The following DOCK4 variants were observed in gnomAD, a reference collection of about 807,000 sequenced individuals.
DOCK4 encodes dedicator of cytokinesis 4, also known as dedicator of cytokinesis protein 4.
A neutral mutation model predicts 268.1 loss-of-function variants in DOCK4; 97 were observed. The observed-to-expected ratio is 0.36, with a 90% confidence interval of 0.31 to 0.43. The LOEUF (loss-of-function observed/expected upper bound fraction) is 0.43, where lower values mean the gene tolerates loss of function less well. Ranked by LOEUF, DOCK4 falls within the 20% of genes least tolerant of loss-of-function variation. The probability of loss-of-function intolerance (pLI) is 1.00; values close to 1 mark genes in which losing one functional copy is unlikely to be tolerated. For synonymous variants in DOCK4, 954 were observed against 887.2 expected, an observed-to-expected ratio of 1.08 and a Z score of -1.34; for missense variants, 2,145 against 2,455.7, an observed-to-expected ratio of 0.87 and a Z score of 2.67.
At chr7:112,078,607 G>C (rs959088261) in intron 1 of DOCK4, among the ~76,000 whole-genome samples, 2 of 152,152 alleles carry the variant, frequency 1.3e-5, no homozygotes, top group African/African-American at 4.8e-5. Flanking sequence ...TTGTAACACA[G>C]CTCCAACCTT....
intron 36 of DOCK4, among the ~76,000 whole-genome samples, chr7:111,774,178 T>G (rs1024795974): frequency 6.6e-6 from 1 of 151,922 alleles, no homozygotes; most frequent in Non-Finnish European, 1.5e-5. Flanking sequence ...TTAATAGAAA[T>G]CTGGGGCCGG....
chr7:112,138,966 G>C (rs1422351841), intron 1 of DOCK4, among the ~76,000 whole-genome samples: 2 of 152,156 alleles, frequency 1.3e-5, no homozygotes, highest in Non-Finnish European at 2.9e-5. Flanking sequence ...CCCTCTGCAG[G>C]TAGGCAAGAA....
chr7:111,809,508 GAAGT>G, intron 28 of DOCK4, 107 bp from the exon 29 acceptor site: 1 of 847,674 alleles, frequency 1.2e-6, no homozygotes, highest in South Asian at 1.6e-5. Flanking sequence ...GGGTATAGTT[GAAGT>G]AAGACTGACC....
chr7:112,112,407 G>A (rs1811747286), intron 1 of DOCK4, among the ~76,000 whole-genome samples: 1 of 152,244 alleles, frequency 6.6e-6, no homozygotes, highest in East Asian at 1.9e-4. Context: ...ACTTTGGAAG[G>A]CCGAGGCGGG....
intron 1 of DOCK4, among the ~76,000 whole-genome samples, chr7:112,198,741 G>A (rs1167999622): frequency 1.3e-5 from 2 of 152,026 alleles, no homozygotes; most frequent in Non-Finnish European, 2.9e-5. Flanking sequence ...TCTCATCTGT[G>A]CATCGACTGC....
intron 12 of DOCK4, among the ~76,000 whole-genome samples, chr7:111,925,424 G>C (rs150256726): frequency 1.1e-3 from 171 of 152,306 alleles, no homozygotes; most frequent in African/African-American, 4.0e-3. Flanking sequence ...CAAATTTCTA[G>C]AAAGTGTGAG....
chr7:112,033,159 T>A (rs147786476), intron 1 of DOCK4, among the ~76,000 whole-genome samples: 103 of 152,194 alleles, frequency 6.8e-4, no homozygotes, highest in Middle Eastern at 3.4e-3. Context: ...CCAAGTGAAA[T>A]ACAATATGCA....
chr7:111,755,469 A>T, intron 42 of DOCK4, 46 bp downstream of exon 42: 1 of 1,578,744 alleles, frequency 6.3e-7, no homozygotes, highest in Non-Finnish European at 8.7e-7. Context: ...ACTCCAAGTG[A>T]ACAACTGTGA....
At chr7:111,887,410 A>G (rs1807934705) in intron 16 of DOCK4, among the ~76,000 whole-genome samples, 1 of 152,206 alleles carries the variant, frequency 6.6e-6, no homozygotes, top group African/African-American at 2.4e-5. Flanking sequence ...GATGGTAGCC[A>G]AGGGCTAAAC....
At chr7:112,079,730 T>C (rs1808411576) in intron 1 of DOCK4, among the ~76,000 whole-genome samples, 1 of 152,180 alleles carries the variant, frequency 6.6e-6, no homozygotes, top group African/African-American at 2.4e-5. Flanking sequence ...TTTTGTAGAA[T>C]GGAAATCAGA....
intron 1 of DOCK4, among the ~76,000 whole-genome samples, chr7:112,106,168 C>G (rs984594151): frequency 6.6e-6 from 1 of 152,128 alleles, no homozygotes; most frequent in Non-Finnish European, 1.5e-5. Flanking sequence ...CCTGCAGATA[C>G]GAATAAATAC....
intron 10 of DOCK4, among the ~76,000 whole-genome samples, chr7:111,941,538 A>T (rs1474404894): frequency 1.3e-5 from 2 of 152,144 alleles, no homozygotes; most frequent in Non-Finnish European, 2.9e-5. Flanking sequence ...GGTTTAAAAC[A>T]TGCTTTTTTC....
At chr7:112,050,460 C>T (rs953060760) in intron 1 of DOCK4, among the ~76,000 whole-genome samples, 6 of 152,116 alleles carry the variant, frequency 3.9e-5, no homozygotes, top group African/African-American at 1.2e-4. Flanking sequence ...ACATAGATTA[C>T]ATAACATTAT....
At chr7:111,952,196 T>C (rs2134887389) in intron 8 of DOCK4, among the ~76,000 whole-genome samples, 1 of 152,272 alleles carries the variant, frequency 6.6e-6, no homozygotes, top group South Asian at 2.1e-4. Flanking sequence ...TTATGGAAAT[T>C]ACACCTGTGA....
chr7:111,787,821 T>C (rs894713604), intron 32 of DOCK4, among the ~76,000 whole-genome samples: 1 of 152,222 alleles, frequency 6.6e-6, no homozygotes, highest in Non-Finnish European at 1.5e-5. Context: ...CTGAAAGAAC[T>C]GCAAACATTT....
Position 111,845,260 on chromosome 7 carries a change from C to T in DOCK4, c.2602-363G>A, listed in dbSNP as rs189139262. Among the ~76,000 whole-genome samples, 9 of 152,302 alleles carry T rather than the reference C, an allele frequency of 5.9e-5. 2 individuals are homozygous for T. The highest frequency in any genetic ancestry group is 2.2e-4 in the African/African-American group (9 of 41,558). The stretch of plus-strand genomic sequence containing the variant: ...CCATCCTTGTTCTTGGTCTATGATT[C>T]CTTGGTTCCAGACTGTGCTTATATT... On this transcript the variant is annotated intron_variant, in intron 24 of 52. Coordinates refer to ENST00000428084, the MANE Select transcript of DOCK4 (RefSeq NM_001363540.2).
At chr7:112,163,650 A>G (rs987901797) in intron 1 of DOCK4, among the ~76,000 whole-genome samples, 47 of 152,224 alleles carry the variant, frequency 3.1e-4, no homozygotes, top group African/African-American at 1.0e-3. Context: ...TCAGCGATTT[A>G]CAAATATTGA....
chr7:111,940,063 T>G (rs1232702936), intron 11 of DOCK4, 47 bp downstream of exon 11: 1 of 1,604,070 alleles, frequency 6.2e-7, no homozygotes, highest in South Asian at 1.1e-5. Flanking sequence ...AGGACCCACA[T>G]GTACCCCTGT....
chr7:112,026,277 T>C (rs58326686), intron 1 of DOCK4, among the ~76,000 whole-genome samples: 5,935 of 152,302 alleles, frequency 0.039, 376 homozygotes, highest in African/African-American at 0.13. Flanking sequence ...GGCATTGGAT[T>C]CATAGGAGCG....
Sources: gnomAD v4.1 joint callset for allele counts (sites outside exome capture counted in the v4.1 genomes callset) on GRCh38, gnomAD v4.1.1 for gene constraint, MANE v1.5 for transcripts, NCBI Gene and HGNC (gene_info 2026-07-23, HGNC 2026-07-21) for gene names.